The following IL1RAPL1 variants were observed in gnomAD, a reference collection of about 807,000 sequenced individuals.
IL1RAPL1 encodes the protein interleukin-1 receptor accessory protein-like 1.
In IL1RAPL1, 3 loss-of-function variants were observed where a neutral mutation model predicts 48.4. That is an observed-to-expected ratio of 0.06 (90% CI 0.03 to 0.16). The LOEUF is 0.16. Ranked by LOEUF, IL1RAPL1 falls within the 10% of genes least tolerant of loss-of-function variation. The pLI, the probability that IL1RAPL1 is intolerant of heterozygous loss-of-function variation, is 1.00. For missense variants in IL1RAPL1, 349 were observed against 530.6 expected (o/e 0.66, Z 3.36); for synonymous variants, 185 against 187.7 (o/e 0.99, Z 0.12).
chrX:29,087,134 ATT>A (rs34132994), intron 2 of IL1RAPL1, among the ~76,000 whole-genome samples: 115 of 84,671 alleles, frequency 1.4e-3, no homozygotes, highest in African/African-American at 3.5e-3. Flanking sequence ...TTATTTAAAA[ATT>A]TTTTTTTTTT....
chrX:28,738,707 T>C (rs183229965), intron 1 of IL1RAPL1, among the ~76,000 whole-genome samples: 1 of 111,212 alleles, frequency 9.0e-6, no homozygotes, highest in African/African-American at 3.3e-5. Flanking sequence ...GGGAGGTTAG[T>C]GCAAGATGGA....
At chrX:29,695,597 CGAGAGA>C (rs10635140) in intron 6 of IL1RAPL1, among the ~76,000 whole-genome samples, 969 of 94,845 alleles carry the variant, frequency 0.01, 8 homozygotes, top group Non-Finnish European at 0.015. Context: ...TGCAAGGTGG[CGAGAGA>C]GAGAGAGAGA....
At chrX:29,553,565 TC>T (rs1921889932) in intron 5 of IL1RAPL1, among the ~76,000 whole-genome samples, 1 of 111,773 alleles carries the variant, frequency 8.9e-6, no homozygotes, top group African/African-American at 3.3e-5. Context: ...TTGCTTCCCC[TC>T]TTAGGTGAGA....
At chrX:29,590,530 A>G (rs1040279108) in intron 5 of IL1RAPL1, among the ~76,000 whole-genome samples, 3 of 111,791 alleles carry the variant, frequency 2.7e-5, no homozygotes, top group African/African-American at 9.8e-5. Flanking sequence ...GCCTGACGCT[A>G]TGCTGGTCAT....
At chrX:29,062,445 A>C (rs1329074288) in intron 2 of IL1RAPL1, among the ~76,000 whole-genome samples, 1 of 112,557 alleles carries the variant, frequency 8.9e-6, no homozygotes, top group Admixed American at 9.4e-5. Context: ...GTTTCACACC[A>C]GGTAAATGGC....
intron 5 of IL1RAPL1, among the ~76,000 whole-genome samples, chrX:29,611,840 A>T (rs761789461): frequency 3.6e-5 from 4 of 110,536 alleles, no homozygotes; most frequent in African/African-American, 1.3e-4. Flanking sequence ...AAGGGTATGG[A>T]CTGGGAAGAT....
At chrX:29,578,636 T>G (rs1922853925) in intron 5 of IL1RAPL1, among the ~76,000 whole-genome samples, 1 of 111,583 alleles carries the variant, frequency 9.0e-6, no homozygotes, top group African/African-American at 3.3e-5. Context: ...TTTTTAAATT[T>G]TTAAAAAGGC....
intron 6 of IL1RAPL1, among the ~76,000 whole-genome samples, chrX:29,913,254 A>C (rs1251055502): frequency 9.1e-6 from 1 of 110,265 alleles, no homozygotes; most frequent in East Asian, 2.8e-4. Context: ...TTAGCCGCAC[A>C]AATTTGTACA....
chrX:29,667,640 A>G (rs999281668), intron 5 of IL1RAPL1, among the ~76,000 whole-genome samples: 3 of 112,042 alleles, frequency 2.7e-5, no homozygotes, highest in Non-Finnish European at 5.6e-5. Context: ...TAGTTTAGCT[A>G]GGAATGAAGT....
At chrX:29,627,508 G>A (rs1282325927) in intron 5 of IL1RAPL1, among the ~76,000 whole-genome samples, 1 of 112,145 alleles carries the variant, frequency 8.9e-6, no homozygotes, top group Admixed American at 9.4e-5. Context: ...AATGTACAAT[G>A]TTATTTACAC....
chrX:29,406,185 C>G (rs1426212699), intron 5 of IL1RAPL1, among the ~76,000 whole-genome samples: 7 of 111,209 alleles, frequency 6.3e-5, no homozygotes, highest in South Asian at 3.8e-4. Context: ...GTCAGGAGAT[C>G]AAGACCATCC....
chrX:29,739,489 A>G (rs1928139617), intron 6 of IL1RAPL1, among the ~76,000 whole-genome samples: 1 of 111,556 alleles, frequency 9.0e-6, no homozygotes, highest in Middle Eastern at 4.2e-3. Context: ...TCTTTCACCC[A>G]GCGGTAACCA....
chrX:29,201,747 A>G, intron 2 of IL1RAPL1, among the ~76,000 whole-genome samples: 1 of 108,782 alleles, frequency 9.2e-6, no homozygotes, highest in Non-Finnish European at 1.9e-5. Flanking sequence ...GCTAGAGTGC[A>G]ATGGCACGCT....
At chrX:28,599,061 A>G (rs1933989939) in intron 1 of IL1RAPL1, among the ~76,000 whole-genome samples, 1 of 109,758 alleles carries the variant, frequency 9.1e-6, no homozygotes, top group African/African-American at 3.3e-5. Context: ...GCCAACATGG[A>G]GAAATCCCGT....
intron 2 of IL1RAPL1, among the ~76,000 whole-genome samples, chrX:29,098,870 G>A (rs1380836069): frequency 8.9e-6 from 1 of 112,423 alleles, no homozygotes; most frequent in East Asian, 2.8e-4. Flanking sequence ...TTAATGTATG[G>A]CCGGGTGCAG....
chrX:29,513,978 A>G (rs922956256), intron 5 of IL1RAPL1, among the ~76,000 whole-genome samples: 24 of 111,748 alleles, frequency 2.1e-4, no homozygotes, highest in Admixed American at 9.5e-5. Context: ...AATGTTATCT[A>G]TCTTGCCTGG....
At chrX:28,667,120 C>T (rs1427890733) in intron 1 of IL1RAPL1, among the ~76,000 whole-genome samples, 1 of 111,332 alleles carries the variant, frequency 9.0e-6, no homozygotes, top group Non-Finnish European at 1.9e-5. Flanking sequence ...TCAGGATGGT[C>T]ATTTAAAAAA....
intron 2 of IL1RAPL1, among the ~76,000 whole-genome samples, chrX:28,846,231 C>G (rs1921505266): frequency 8.9e-6 from 1 of 111,790 alleles, no homozygotes; most frequent in Non-Finnish European, 1.9e-5. Flanking sequence ...TAAGTTTCCT[C>G]CATGACTTTT....
intron 1 of IL1RAPL1, among the ~76,000 whole-genome samples, chrX:28,726,523 T>C (rs1349132241): frequency 4.5e-5 from 5 of 111,893 alleles, no homozygotes; most frequent in Middle Eastern, 4.6e-3. Flanking sequence ...GAATTAAAAC[T>C]TTAAGGAAAA....
Sources: allele counts gnomAD v4.1 joint callset (sites outside exome capture counted in the v4.1 genomes callset), GRCh38; gene constraint gnomAD v4.1.1; transcripts MANE v1.5; gene names NCBI Gene and HGNC (gene_info 2026-07-23, HGNC 2026-07-21).